Variants in SNTG2 observed in about 807,000 individuals in gnomAD.
SNTG2 encodes the protein gamma-2-syntrophin.
A neutral mutation model predicts 70.9 loss-of-function variants in SNTG2; 74 were observed. That is an observed-to-expected ratio of 1.04 (90% CI 0.86 to 1.27). SNTG2 has a LOEUF of 1.27. SNTG2 is among the 50% of genes most tolerant of loss of function. SNTG2 has a pLI of 0.00. For synonymous variants in SNTG2, 278 were observed against 273.8 expected, an observed-to-expected ratio of 1.02 and a Z score of -0.15; for missense variants, 717 against 690.7, an observed-to-expected ratio of 1.04 and a Z score of -0.43.
intron 1 of SNTG2, among the ~76,000 whole-genome samples, chr2:977,756 G>A (rs556885566): frequency 6.6e-6 from 1 of 152,054 alleles, no homozygotes; most frequent in South Asian, 2.1e-4. Flanking sequence ...ACCTGCCTGC[G>A]TTGCCAACGT....
chr2:1,094,219 ATGG>A (rs1665228953), intron 2 of SNTG2, among the ~76,000 whole-genome samples: 1 of 97,186 alleles, frequency 1.0e-5, no homozygotes. Context: ...GTGTCCTCAT[ATGG>A]TAGAGTTACT....
chr2:1,359,547 A>G (rs577758997), intron 16 of SNTG2, among the ~76,000 whole-genome samples: 48 of 152,188 alleles, frequency 3.2e-4, no homozygotes, highest in African/African-American at 9.4e-4. Context: ...CTTTTGGCCT[A>G]TGTGTGTCTT....
intron 4 of SNTG2, among the ~76,000 whole-genome samples, chr2:1,124,730 C>T (rs148694135): frequency 7.2e-5 from 11 of 152,138 alleles, no homozygotes; most frequent in Non-Finnish European, 1.0e-4. Flanking sequence ...TGGAACCTGA[C>T]GAAAAGGTCA....
In SNTG2 at chr2:1,255,831, TAA is replaced by T. The variant is rs1491362213; in HGVS notation, c.1006-3537_1006-3536del. ...ACACAAAGTTGTATGTATATATATA[TAA>T]ATATATATAAATATATATAAATATA... On this transcript the variant is annotated intron_variant, in intron 12 of 16. Transcript: ENST00000308624. 1.6e-3 allele frequency among the ~76,000 whole-genome samples: 66 copies of T among 40,796 alleles called. 1 individual carries two copies. The highest frequency in any genetic ancestry group is 5.3e-3 in the African/African-American group (53 of 10,012). 26.8% of individuals were successfully genotyped at this position (40,796 alleles called of 152,430 possible).
chr2:1,028,738 CTT>C (rs71392557), intron 1 of SNTG2, among the ~76,000 whole-genome samples: 33,485 of 145,042 alleles, frequency 0.23, 4,244 homozygotes, highest in Middle Eastern at 0.33. Flanking sequence ...AGGCAACCTC[CTT>C]TTTTTTTTTT....
At chr2:1,222,284 A>G (rs1433887458) in intron 9 of SNTG2, among the ~76,000 whole-genome samples, 1 of 152,224 alleles carries the variant, frequency 6.6e-6, no homozygotes, top group Non-Finnish European at 1.5e-5. Flanking sequence ...CTATGAAAAG[A>G]TGCTGCAAAG....
intron 14 of SNTG2, 65 bp downstream of exon 14, chr2:1,267,636 G>GAAT (rs1678817529): frequency 1.4e-6 from 2 of 1,387,430 alleles, no homozygotes; most frequent in African/African-American, 2.8e-5. Flanking sequence ...TAGCATTGGG[G>GAAT]AATATGTAGC....
intron 4 of SNTG2, among the ~76,000 whole-genome samples, chr2:1,116,606 CCTGGTGTGTGGGTGCT>C (rs1470868449): frequency 3.3e-5 from 4 of 121,126 alleles, no homozygotes; most frequent in Non-Finnish European, 6.9e-5. Context: ...GTTCGGGTGC[CCTGGTGTGTGGGTGCT>C]CTGGTGTGTG....
At chr2:1,236,844 T>A (rs578218058) in intron 9 of SNTG2, among the ~76,000 whole-genome samples, 16 of 152,320 alleles carry the variant, frequency 1.1e-4, no homozygotes, top group South Asian at 6.2e-4. Context: ...CTTATTTTTT[T>A]AAAAAAATAT....
intron 8 of SNTG2, among the ~76,000 whole-genome samples, chr2:1,203,854 C>T (rs1326593039): frequency 2.0e-5 from 3 of 151,894 alleles, no homozygotes; most frequent in Non-Finnish European, 4.4e-5. Context: ...GGAATGCAAG[C>T]TTCGTACAAC....
intron 14 of SNTG2, among the ~76,000 whole-genome samples, chr2:1,281,568 A>G (rs1679547672): frequency 6.9e-6 from 1 of 145,262 alleles, no homozygotes; most frequent in South Asian, 2.2e-4. Context: ...TGTGTGCACA[A>G]GTGTGCATCC....
intron 1 of SNTG2, among the ~76,000 whole-genome samples, chr2:988,092 ACTTTC>A (rs1359427309): frequency 6.6e-6 from 1 of 152,172 alleles, no homozygotes; most frequent in Non-Finnish European, 1.5e-5. Context: ...TCACATACTG[ACTTTC>A]CGTTCCTTTA....
intron 9 of SNTG2, among the ~76,000 whole-genome samples, chr2:1,237,142 C>T (rs1187049205): frequency 6.6e-6 from 1 of 151,904 alleles, no homozygotes; most frequent in East Asian, 1.9e-4. Flanking sequence ...GGGACTTCAC[C>T]ATGTTGGCCA....
intron 14 of SNTG2, among the ~76,000 whole-genome samples, chr2:1,299,939 C>T (rs932079990): frequency 2.6e-5 from 4 of 151,942 alleles, no homozygotes; most frequent in Non-Finnish European, 2.9e-5. Flanking sequence ...GTGACCATCA[C>T]CACTCTGAAG....
intron 14 of SNTG2, among the ~76,000 whole-genome samples, chr2:1,306,561 G>C (rs1680676133): frequency 6.6e-6 from 1 of 152,216 alleles, no homozygotes; most frequent in Non-Finnish European, 1.5e-5. Flanking sequence ...GACAGTGGAG[G>C]TCTTGTCAGG....
rs187085548 is a variant in SNTG2, at chr2:1,277,957, T to A, written c.1284+10386T>A. Among the ~76,000 whole-genome samples the A allele has an allele frequency of 4.0e-3, 612 of 152,334 alleles. 6 individuals are homozygous for A. The highest frequency in any genetic ancestry group is 0.014 in the African/African-American group (571 of 41,566). Reference sequence around the variant, plus strand: ...TCTGGAAAGGCGGGGAAGATAACGCTTTTCTGGTTTTCCAATGAGTAGCAT... The same window carrying A: ...TCTGGAAAGGCGGGGAAGATAACGCATTTCTGGTTTTCCAATGAGTAGCAT... On this transcript the variant is annotated intron_variant, in intron 14 of 16. Transcript: ENST00000308624.
chr2:1,057,027 G>C (rs1028797889), intron 1 of SNTG2, among the ~76,000 whole-genome samples: 2 of 151,660 alleles, frequency 1.3e-5, no homozygotes, highest in African/African-American at 4.9e-5. Context: ...GCTGTGCTGC[G>C]GGGAACGATG....
In SNTG2 at chr2:1,335,081, C is replaced by A. The variant is rs530386064; in HGVS notation, c.1488+18706C>A. On this transcript the variant is annotated intron_variant, in intron 16 of 16. Transcript: ENST00000308624. ...TAATTGCCCTTTTCATAAAGAGATT[C>A]ATGTGTTTTTGTCTCTCAACTTGGG... Among the ~76,000 whole-genome samples, 359 of 152,278 alleles carry A rather than the reference C, an allele frequency of 2.4e-3. 1 individual carries two copies. Among genetic ancestry groups the A allele is most frequent in the Non-Finnish European group, 3.9e-3 (266 of 68,020 alleles).
intron 16 of SNTG2, among the ~76,000 whole-genome samples, chr2:1,327,459 A>G (rs1008583057): frequency 1.3e-5 from 2 of 152,196 alleles, no homozygotes; most frequent in Admixed American, 6.5e-5. Context: ...GTTACCAAAA[A>G]CTTTGAGAAG....
Sources: allele counts gnomAD v4.1 joint callset (sites outside exome capture counted in the v4.1 genomes callset), GRCh38; gene constraint gnomAD v4.1.1; transcripts MANE v1.5; gene names NCBI Gene and HGNC (gene_info 2026-07-23, HGNC 2026-07-21).